The following MTMR2 variants were observed in gnomAD, a reference collection of about 807,000 sequenced individuals.
MTMR2 encodes myotubularin related protein 2.
MTMR2 carries 55 observed loss-of-function variants against 86.9 expected under a neutral mutation model. That is an observed-to-expected ratio of 0.63 (90% confidence interval 0.51 to 0.79). The LOEUF (loss-of-function observed/expected upper bound fraction) is 0.79, where lower values mean the gene tolerates loss of function less well. MTMR2 is among the 30% of genes least tolerant of loss of function. The probability of loss-of-function intolerance (pLI) is 0.00; values close to 1 mark genes in which losing one functional copy is unlikely to be tolerated. For synonymous variants in MTMR2, 241 were observed against 266.8 expected, an observed-to-expected ratio of 0.90 and a Z score of 0.94; for missense variants, 659 against 772.3, an observed-to-expected ratio of 0.85 and a Z score of 1.74.
chr11:95,908,622 G>A (rs1866382255), intron 1 of MTMR2, among the ~76,000 whole-genome samples: 1 of 152,188 alleles, frequency 6.6e-6, no homozygotes, highest in South Asian at 2.1e-4. Flanking sequence ...AAAACAGCAT[G>A]ATACTGGTAC....
chr11:95,909,850 C>T (rs1248875049), intron 1 of MTMR2, among the ~76,000 whole-genome samples: 1 of 151,954 alleles, frequency 6.6e-6, no homozygotes, highest in Non-Finnish European at 1.5e-5. Flanking sequence ...AAGTGTTCAA[C>T]AAATAGCATT....
intron 1 of MTMR2, among the ~76,000 whole-genome samples, chr11:95,901,111 G>A (rs1043004485): frequency 3.3e-5 from 5 of 152,054 alleles, no homozygotes; most frequent in Non-Finnish European, 5.9e-5. Context: ...CTCTCACCTT[G>A]CCTCTGTTCT....
At chr11:95,858,725 G>A in intron 5 of MTMR2, 93 bp from the exon 6 acceptor site, 1 of 855,280 alleles carries the variant, frequency 1.2e-6, no homozygotes, top group Non-Finnish European at 1.9e-6. Flanking sequence ...AAAATGTTAA[G>A]ATCTGTGAAT....
In MTMR2 at chr11:95,924,075, G is replaced by A. The variant is rs1338406905; in HGVS notation, c.-121C>T. The stretch of plus-strand genomic sequence containing the variant: ...GTCAGGCCAGCGCCGGCCCGGGAGG[G>A]AGACCGGAAGCGGCCATGTTCCCCC... On this transcript the variant is annotated 5_prime_UTR_variant, in exon 1 of 15. Transcript: ENST00000346299. The A allele has an allele frequency of 1.4e-5, 18 of 1,320,138 alleles. No homozygotes were observed. Among genetic ancestry groups the A allele is most frequent in the Non-Finnish European group, 1.8e-5 (17 of 942,092 alleles). 81.8% of individuals were successfully genotyped at this position (1,320,138 alleles called of 1,614,324 possible).
At chr11:95,875,725 G>A (rs1865084807) in intron 2 of MTMR2, among the ~76,000 whole-genome samples, 1 of 152,048 alleles carries the variant, frequency 6.6e-6, no homozygotes, top group African/African-American at 2.4e-5. Flanking sequence ...CCCCATCTTT[G>A]TGGTTTTATC....
intron 11 of MTMR2, among the ~76,000 whole-genome samples, chr11:95,844,437 C>G (rs1427577757): frequency 1.3e-5 from 2 of 152,100 alleles, no homozygotes; most frequent in Non-Finnish European, 2.9e-5. Context: ...GATGCGGAAC[C>G]CACATACACA....
At chr11:95,836,015 A>C in intron 14 of MTMR2, 133 bp downstream of exon 14, 1 of 914,466 alleles carries the variant, frequency 1.1e-6, no homozygotes, top group Non-Finnish European at 1.8e-6. Flanking sequence ...TTTTTCTACT[A>C]TACGATTGTT....
At chr11:95,874,408 G>T (rs1210514400) in intron 2 of MTMR2, among the ~76,000 whole-genome samples, 1 of 152,084 alleles carries the variant, frequency 6.6e-6, no homozygotes. Context: ...CAGAGACTAG[G>T]ATTGCAACCC....
intron 1 of MTMR2, among the ~76,000 whole-genome samples, chr11:95,889,472 G>C (rs1186229289): frequency 1.4e-5 from 2 of 140,018 alleles, no homozygotes; most frequent in Non-Finnish European, 3.1e-5. Context: ...TGTTTATTTT[G>C]TCTCACCAAC....
At chr11:95,921,935 A>G (rs1866943169) in intron 1 of MTMR2, among the ~76,000 whole-genome samples, 1 of 152,230 alleles carries the variant, frequency 6.6e-6, no homozygotes, top group African/African-American at 2.4e-5. Context: ...GTTTTAGGAA[A>G]TAAATATGTT....
At position 95,847,734 on chromosome 11, in the gene MTMR2, G is replaced by A; in HGVS notation, c.1159C>T (p.His387Tyr). The A allele has an allele frequency of 6.2e-7, 1 of 1,613,142 alleles. No individual in the cohort carries two copies. The highest frequency in any genetic ancestry group is 1.1e-5 in the South Asian group (1 of 91,062). The change falls in exon 10 of 15, where the codon CAT becomes TAT. Residue 387 changes from histidine to tyrosine, a missense_variant. His to Tyr is a moderately conservative substitution (Grantham distance 83). Transcript: ENST00000346299. ...THWLSNLESTHWLEHIKLILA... is the reference protein window; with the variant it reads ...THWLSNLESTYWLEHIKLILA... The stretch of plus-strand genomic sequence containing the variant: ...CCCACCTTAATATGTTCTAGCCAAT[G>A]AGTAGATTCCAAGTTAGACAACCAG...
At chr11:95,889,012 GAGA>G (rs1251019264) in intron 1 of MTMR2, among the ~76,000 whole-genome samples, 1 of 152,162 alleles carries the variant, frequency 6.6e-6, no homozygotes, top group Admixed American at 6.5e-5. Context: ...AGGATGGAAA[GAGA>G]AGTTCTTTGT....
chr11:95,916,998 C>T (rs1251639325), intron 1 of MTMR2, among the ~76,000 whole-genome samples: 2 of 152,070 alleles, frequency 1.3e-5, no homozygotes, highest in Non-Finnish European at 2.9e-5. Flanking sequence ...GGAAAGGGAA[C>T]TGAAGTTATT....
chr11:95,909,339 T>C (rs1866412719), intron 1 of MTMR2, among the ~76,000 whole-genome samples: 1 of 152,178 alleles, frequency 6.6e-6, no homozygotes, highest in South Asian at 2.1e-4. Context: ...GTTACAAATA[T>C]TCCTAAGAAA....
intron 1 of MTMR2, among the ~76,000 whole-genome samples, chr11:95,909,991 G>A (rs1458787995): frequency 6.6e-6 from 1 of 151,954 alleles, no homozygotes; most frequent in Non-Finnish European, 1.5e-5. Context: ...GTCTTCATGT[G>A]CACTAGGAAA....
intron 1 of MTMR2, among the ~76,000 whole-genome samples, chr11:95,921,472 T>G (rs920311476): frequency 6.6e-6 from 1 of 152,218 alleles, no homozygotes; most frequent in Non-Finnish European, 1.5e-5. Context: ...ACAATCTAGA[T>G]AGACACTTAA....
intron 3 of MTMR2, 175 bp downstream of exon 3, chr11:95,865,426 G>C (rs557008718): frequency 2.4e-4 from 152 of 646,308 alleles, no homozygotes; most frequent in Non-Finnish European, 6.7e-5. Context: ...CACTAGCAGC[G>C]GGTCTAGGCT....
chr11:95,920,048 C>T (rs1220979543), intron 1 of MTMR2, among the ~76,000 whole-genome samples: 2 of 152,194 alleles, frequency 1.3e-5, no homozygotes, highest in Non-Finnish European at 2.9e-5. Context: ...CTTATTATCA[C>T]ATCTGACCTA....
intron 9 of MTMR2, among the ~76,000 whole-genome samples, chr11:95,849,290 A>T (rs1204024626): frequency 2.0e-5 from 3 of 152,144 alleles, no homozygotes; most frequent in Non-Finnish European, 4.4e-5. Context: ...CTAGTTCGCT[A>T]TTCCTAGAGC....
Sources: allele counts gnomAD v4.1 joint callset (sites outside exome capture counted in the v4.1 genomes callset), GRCh38; gene constraint gnomAD v4.1.1; transcripts MANE v1.5; gene names NCBI Gene and HGNC (gene_info 2026-07-23, HGNC 2026-07-21).